The following CNTNAP5 variants were observed in gnomAD, a reference collection of about 807,000 sequenced individuals.
CNTNAP5 encodes the protein contactin-associated protein-like 5.
A neutral mutation model predicts 150.2 loss-of-function variants in CNTNAP5; 72 were observed. The ratio of observed to expected loss-of-function variants is 0.48; its 90% confidence interval spans 0.40 to 0.58. The LOEUF (loss-of-function observed/expected upper bound fraction) is 0.58, where lower values mean the gene tolerates loss of function less well. CNTNAP5 is among the 20% of genes least tolerant of loss of function. CNTNAP5 has a pLI of 0.00. For missense variants in CNTNAP5, 1,636 were observed against 1,626.2 expected (o/e 1.01, Z -0.10); for synonymous variants, 672 against 619.8 (o/e 1.08, Z -1.25).
chr2:124,826,244 T>A (rs1266260680), intron 19 of CNTNAP5, among the ~76,000 whole-genome samples: 1 of 152,194 alleles, frequency 6.6e-6, no homozygotes, highest in Non-Finnish European at 1.5e-5. Flanking sequence ...AGTATTTGTC[T>A]TGCTGTTTTA....
At position 124,679,036 on chromosome 2, in the gene CNTNAP5, G is replaced by C. The variant is rs142205338; in HGVS notation, c.2077+31078G>C. Among the ~76,000 whole-genome samples, 100 of 152,048 alleles carry C rather than the reference G, an allele frequency of 6.6e-4. 1 individual carries two copies. In the East Asian group the frequency reaches 0.019, roughly 28 times the overall value. On this transcript the variant is annotated intron_variant, in intron 13 of 23. Transcript: ENST00000682447. ...TCTGCAACAAACCTGTTTCAGGCAGGAAAGCAGAAAGGGAACTGTCAGCTC... is the reference window on the plus strand; with the variant it reads ...TCTGCAACAAACCTGTTTCAGGCAGCAAAGCAGAAAGGGAACTGTCAGCTC...
intron 3 of CNTNAP5, among the ~76,000 whole-genome samples, chr2:124,323,491 A>G (rs79538890): frequency 0.045 from 6,853 of 152,254 alleles, 227 homozygotes; most frequent in Non-Finnish European, 0.071. Flanking sequence ...AGTGCAGCAA[A>G]TAAGTCAGGG....
intron 6 of CNTNAP5, among the ~76,000 whole-genome samples, chr2:124,469,665 G>A (rs1200530241): frequency 6.6e-6 from 1 of 151,986 alleles, no homozygotes; most frequent in African/African-American, 2.4e-5. Context: ...GCTGCACAGA[G>A]CATCCAATTT....
At chr2:124,530,402 G>A (rs1391550699) in intron 10 of CNTNAP5, among the ~76,000 whole-genome samples, 1 of 152,174 alleles carries the variant, frequency 6.6e-6, no homozygotes, top group African/African-American at 2.4e-5. Flanking sequence ...GCTCCCTCCG[G>A]TGGAGGTCCT....
intron 22 of CNTNAP5, among the ~76,000 whole-genome samples, chr2:124,905,772 A>C (rs1014789957): frequency 1.3e-5 from 2 of 152,152 alleles, no homozygotes; most frequent in Non-Finnish European, 2.9e-5. Context: ...ATGGGAAGGA[A>C]TGGGGTGAAC....
chr2:124,190,427 T>C (rs1376520277), intron 1 of CNTNAP5, among the ~76,000 whole-genome samples: 1 of 151,942 alleles, frequency 6.6e-6, no homozygotes, highest in East Asian at 1.9e-4. Context: ...CCTGTGTGAG[T>C]TGAGGACTCA....
chr2:124,916,786 C>G lies in CNTNAP5; in HGVS notation c.*2498C>G, dbSNP rs1353007400. Among the ~76,000 whole-genome samples the G allele has an allele frequency of 6.6e-6, 1 of 151,790 alleles. No homozygotes were observed. Among genetic ancestry groups the G allele is most frequent in the Non-Finnish European group, 1.5e-5 (1 of 67,934 alleles). On this transcript the variant is annotated 3_prime_UTR_variant, in exon 24 of 24. Coordinates refer to ENST00000682447, the MANE Select transcript of CNTNAP5 (RefSeq NM_001367498.1). ...CTCCATGCACACTACATACCACAGA[C>G]CTAAATGTAGATGCCAGGACAGTGC... is the stretch of plus-strand genomic sequence containing the variant.
chr2:124,380,752 G>A (rs1193886407), intron 3 of CNTNAP5, among the ~76,000 whole-genome samples: 3 of 152,190 alleles, frequency 2.0e-5, no homozygotes, highest in Non-Finnish European at 4.4e-5. Flanking sequence ...TTCTCTGGGT[G>A]TGTGCTATGC....
chr2:124,112,728 C>A (rs528781914), intron 1 of CNTNAP5, among the ~76,000 whole-genome samples: 23 of 152,164 alleles, frequency 1.5e-4, no homozygotes, highest in Non-Finnish European at 2.2e-4. Context: ...CCAAAAAAAA[C>A]CCCATTTGTA....
intron 1 of CNTNAP5, among the ~76,000 whole-genome samples, chr2:124,122,611 G>C (rs1436360666): frequency 2.6e-5 from 4 of 152,154 alleles, no homozygotes; most frequent in Non-Finnish European, 4.4e-5. Context: ...ACAAGCATGT[G>C]ATGAGCTGAG....
chr2:124,868,712 C>A (rs965472150), intron 20 of CNTNAP5, among the ~76,000 whole-genome samples: 1 of 152,126 alleles, frequency 6.6e-6, no homozygotes, highest in Non-Finnish European at 1.5e-5. Flanking sequence ...TCTGAGCAGA[C>A]GTGCCAAAGG....
chr2:124,067,458 T>G (rs1319979559), intron 1 of CNTNAP5, among the ~76,000 whole-genome samples: 1 of 152,176 alleles, frequency 6.6e-6, no homozygotes, highest in Non-Finnish European at 1.5e-5. Flanking sequence ...CCTCTTCTGT[T>G]TAAAATCTCC....
rs1253897966 is a variant in CNTNAP5 at position 124,917,612 on chromosome 2, T to G, written c.*3324T>G. On this transcript the variant is annotated 3_prime_UTR_variant, in exon 24 of 24. Transcript: ENST00000682447. Reference sequence around the variant, plus strand: ...ATAACAGAGATGGTATTAACTTGACTTCTACCTTTTGTCAGACTCATCTCC... The same window carrying G: ...ATAACAGAGATGGTATTAACTTGACGTCTACCTTTTGTCAGACTCATCTCC... Among the ~76,000 whole-genome samples, 1 of 152,126 alleles carries G rather than the reference T, an allele frequency of 6.6e-6. No individual in the cohort carries two copies. Among genetic ancestry groups the G allele is most frequent in the African/African-American group, 2.4e-5 (1 of 41,452 alleles).
At chr2:124,530,942 G>T (rs557558425) in intron 10 of CNTNAP5, among the ~76,000 whole-genome samples, 1 of 152,134 alleles carries the variant, frequency 6.6e-6, no homozygotes, top group African/African-American at 2.4e-5. Context: ...AACCTTTTTG[G>T]CATTCAGGGA....
chr2:124,854,325 C>T (rs961191033), intron 19 of CNTNAP5, among the ~76,000 whole-genome samples: 3 of 152,152 alleles, frequency 2.0e-5, no homozygotes, highest in Non-Finnish European at 4.4e-5. Context: ...TATACATCTG[C>T]ACTCCTTGGT....
chr2:124,762,989 G>A (rs191083306), intron 14 of CNTNAP5, among the ~76,000 whole-genome samples: 2 of 152,056 alleles, frequency 1.3e-5, no homozygotes, highest in East Asian at 1.9e-4. Flanking sequence ...AAATGATGTG[G>A]CCCTTACCAT....
At chr2:124,628,520 G>A (rs1018175798) in intron 12 of CNTNAP5, among the ~76,000 whole-genome samples, 6 of 152,104 alleles carry the variant, frequency 3.9e-5, no homozygotes, top group Non-Finnish European at 4.4e-5. Context: ...AAATGCTGAG[G>A]CATTTTTTCA....
chr2:124,258,020 C>T (rs1049737987), intron 3 of CNTNAP5, among the ~76,000 whole-genome samples: 3 of 152,178 alleles, frequency 2.0e-5, no homozygotes, highest in Admixed American at 1.3e-4. Context: ...CTCATTAAAT[C>T]TGTCCTCATA....
intron 13 of CNTNAP5, among the ~76,000 whole-genome samples, chr2:124,655,998 A>G (rs138802236): frequency 0.031 from 4,053 of 130,764 alleles, 99 homozygotes; most frequent in Non-Finnish European, 0.046. Context: ...AAAGAAAGAA[A>G]AAAGGAAGGA....
Sources: allele counts gnomAD v4.1 joint callset (sites outside exome capture counted in the v4.1 genomes callset), GRCh38; gene constraint gnomAD v4.1.1; transcripts MANE v1.5; gene names NCBI Gene and HGNC (gene_info 2026-07-23, HGNC 2026-07-21).